Variants in KIAA1217 observed in about 807,000 individuals in gnomAD.
The protein encoded by KIAA1217 is sickle tail protein homolog.
In KIAA1217, 88 loss-of-function variants were observed where a neutral mutation model predicts 163.9. That is an observed-to-expected ratio of 0.54 (90% CI 0.45 to 0.64). The LOEUF (loss-of-function observed/expected upper bound fraction) is 0.64, where lower values mean the gene tolerates loss of function less well. Among genes scored for constraint, KIAA1217 ranks in the 30% least tolerant of loss-of-function variants. The pLI is 0.00. For synonymous variants in KIAA1217, 903 were observed against 923.1 expected, an observed-to-expected ratio of 0.98 and a Z score of 0.39; for missense variants, 2,372 against 2,475.0, an observed-to-expected ratio of 0.96 and a Z score of 0.88.
At chr10:23,735,171 A>G (rs1029760118) in intron 1 of KIAA1217, among the ~76,000 whole-genome samples, 3 of 152,186 alleles carry the variant, frequency 2.0e-5, no homozygotes, top group Admixed American at 6.5e-5. Context: ...GAATAGAATT[A>G]CTAGGGTAAT....
chr10:23,707,489 C>T (rs867067328), intron 1 of KIAA1217, among the ~76,000 whole-genome samples: 1 of 152,212 alleles, frequency 6.6e-6, no homozygotes, highest in African/African-American at 2.4e-5. Flanking sequence ...TGAAATAACC[C>T]AGAAACAGAA....
chr10:23,861,694 T>C (rs1193589563), intron 1 of KIAA1217, among the ~76,000 whole-genome samples: 1 of 152,184 alleles, frequency 6.6e-6, no homozygotes, highest in Non-Finnish European at 1.5e-5. Context: ...AGGATGCAGG[T>C]GGCTTTAAGA....
At chr10:24,291,389 G>T (rs1436294527) in intron 2 of KIAA1217, among the ~76,000 whole-genome samples, 1 of 152,190 alleles carries the variant, frequency 6.6e-6, no homozygotes, top group Non-Finnish European at 1.5e-5. Context: ...AAGTAGCCAG[G>T]CATGGTGGCA....
intron 2 of KIAA1217, among the ~76,000 whole-genome samples, chr10:24,299,186 A>G (rs1190561588): frequency 6.6e-6 from 1 of 152,198 alleles, no homozygotes; most frequent in Non-Finnish European, 1.5e-5. Context: ...CGAGTTTTCT[A>G]CAATTGCTCA....
At chr10:24,463,498 C>A (rs1283222125) in intron 5 of KIAA1217, among the ~76,000 whole-genome samples, 1 of 152,182 alleles carries the variant, frequency 6.6e-6, no homozygotes, top group Admixed American at 6.5e-5. Flanking sequence ...AAACAATAGG[C>A]TAACTAAAAC....
chr10:24,339,972 C>T (rs996232193), intron 2 of KIAA1217, among the ~76,000 whole-genome samples: 5 of 152,106 alleles, frequency 3.3e-5, no homozygotes, highest in South Asian at 4.1e-4. Flanking sequence ...GTAAATACAG[C>T]GAATTCCAAG....
chr10:24,206,072 C>G (rs930323926), upstream of KIAA1217, among the ~76,000 whole-genome samples: 2 of 152,134 alleles, frequency 1.3e-5, no homozygotes, highest in African/African-American at 4.8e-5. Flanking sequence ...CATTTTGAGT[C>G]ATGAATTGCA....
In KIAA1217 at chr10:24,013,464, C is replaced by T. The variant is rs74124884; in HGVS notation, c.-171+6090C>T. Among the ~76,000 whole-genome samples, 1,293 of 152,124 alleles carry T rather than the reference C, an allele frequency of 8.5e-3. 19 individuals are homozygous for T. Among genetic ancestry groups the T allele is most frequent in the African/African-American group, 0.029 (1,223 of 41,522 alleles). On this transcript the variant is annotated intron_variant, in intron 2 of 18. Coordinates refer to the KIAA1217 transcript ENST00000376462. Reference sequence around the variant, plus strand: ...GACAAAAGCCAAAGGCTTATAGGAACCAAGCCCCGTATTTCCTCTAGGAGC... The same window carrying T: ...GACAAAAGCCAAAGGCTTATAGGAATCAAGCCCCGTATTTCCTCTAGGAGC...
At chr10:24,532,631 G>C (rs1268070332) in intron 15 of KIAA1217, among the ~76,000 whole-genome samples, 3 of 152,274 alleles carry the variant, frequency 2.0e-5, no homozygotes, top group East Asian at 1.9e-4. Flanking sequence ...AGGCAAGAAA[G>C]AGATTGTGCA....
rs1183009109 is a variant in KIAA1217, at chr10:23,934,625, A to AT, written c.-320-72590dup. Among the ~76,000 whole-genome samples the AT allele has an allele frequency of 6.1e-4, 42 of 68,538 alleles. 4 individuals are homozygous for AT. Among genetic ancestry groups the AT allele is most frequent in the South Asian group, 3.4e-3 (9 of 2,632 alleles). The allele number at this position is 68,538 out of a possible 152,430, so 45.0% of individuals were successfully genotyped here. The stretch of plus-strand genomic sequence containing the variant: ...TATATATGTATATATATATATATAT[A>AT]TTTTTTTTTTGAGACGGAGTCTCGC... On this transcript the variant is annotated intron_variant, in intron 1 of 18. Transcript: ENST00000376462.
chr10:24,021,465 G>A (rs187765679), intron 2 of KIAA1217, among the ~76,000 whole-genome samples: 11 of 151,978 alleles, frequency 7.2e-5, no homozygotes, highest in Admixed American at 4.6e-4. Flanking sequence ...AATAAATGAA[G>A]AGAGATACAT....
At chr10:24,464,686 T>C (rs1174151098) in intron 5 of KIAA1217, among the ~76,000 whole-genome samples, 1 of 152,150 alleles carries the variant, frequency 6.6e-6, no homozygotes, top group African/African-American at 2.4e-5. Flanking sequence ...GGCCTCCCTA[T>C]GTTGCCCAAG....
At chr10:24,347,586 A>AT (rs887576355) in intron 2 of KIAA1217, among the ~76,000 whole-genome samples, 19 of 152,008 alleles carry the variant, frequency 1.2e-4, no homozygotes, top group Non-Finnish European at 2.1e-4. Context: ...CACAAGTTTT[A>AT]TTTTTTTTAA....
intron 1 of KIAA1217, among the ~76,000 whole-genome samples, chr10:23,735,227 T>TTTTATTTA (rs201836329): frequency 1.3e-5 from 2 of 151,768 alleles, no homozygotes; most frequent in African/African-American, 4.9e-5. Context: ...AGCTGTATTA[T>TTTTATTTA]TTTATTTATT....
At position 24,446,802 on chromosome 10, in the gene KIAA1217, G is replaced by T. The variant is rs1022538676; in HGVS notation, c.846+8323G>T. Among the ~76,000 whole-genome samples the T allele has an allele frequency of 2.0e-5, 3 of 152,286 alleles. No individual in the cohort carries two copies. The South Asian group carries it at 6.2e-4, about 32-fold the overall frequency. ...AAGTTCTTATTATTCTCCTGTTTCAGAAGTGGAAGCTGAGGCTTAAGAGAG... is the reference window on the plus strand; with the variant it reads ...AAGTTCTTATTATTCTCCTGTTTCATAAGTGGAAGCTGAGGCTTAAGAGAG... On this transcript the variant is annotated intron_variant, in intron 5 of 20. Coordinates refer to ENST00000376454, the MANE Select transcript of KIAA1217 (RefSeq NM_019590.5).
intron 2 of KIAA1217, among the ~76,000 whole-genome samples, chr10:24,030,987 T>C (rs1848164334): frequency 1.3e-5 from 2 of 152,224 alleles, no homozygotes; most frequent in South Asian, 4.1e-4. Context: ...ATTATGAGCA[T>C]GGCTGTACAA....
chr10:23,925,776 G>A (rs1457600616), intron 1 of KIAA1217, among the ~76,000 whole-genome samples: 1 of 152,094 alleles, frequency 6.6e-6, no homozygotes, highest in Non-Finnish European at 1.5e-5. Flanking sequence ...CCAGCTCTGT[G>A]GCCTTAAGCA....
chr10:24,124,081 T>C (rs1305694558), intron 2 of KIAA1217, among the ~76,000 whole-genome samples: 1 of 152,196 alleles, frequency 6.6e-6, no homozygotes, highest in East Asian at 1.9e-4. Flanking sequence ...TTTCATTTTA[T>C]GGATAAAAAA....
chr10:24,409,296 G>C (rs775067964), intron 3 of KIAA1217, among the ~76,000 whole-genome samples: 1 of 152,112 alleles, frequency 6.6e-6, no homozygotes, highest in Non-Finnish European at 1.5e-5. Flanking sequence ...GTACTCTTGA[G>C]ATAAGCAACA....
Sources: gnomAD v4.1 joint callset for allele counts (sites outside exome capture counted in the v4.1 genomes callset) on GRCh38, gnomAD v4.1.1 for gene constraint, MANE v1.5 for transcripts, NCBI Gene and HGNC (gene_info 2026-07-23, HGNC 2026-07-21) for gene names.